LYPD6: variants seen among roughly 807,000 people sequenced by gnomAD.
LYPD6 encodes the protein LY6/PLAUR domain containing 6, also known as ly6/PLAUR domain-containing protein 6.
A neutral mutation model predicts 22.7 loss-of-function variants in LYPD6; 15 were observed. That is an observed-to-expected ratio of 0.66 (90% CI 0.44 to 1.02). The LOEUF is 1.02. LYPD6 is among the 50% of genes least tolerant of loss of function. The pLI is 0.00. For synonymous variants in LYPD6, 72 were observed against 77.5 expected (o/e 0.93, Z 0.37); for missense variants, 189 against 208.4 (o/e 0.91, Z 0.57).
chr2:149,447,998 A>T (rs1028759728), intron 2 of LYPD6, among the ~76,000 whole-genome samples: 2 of 152,170 alleles, frequency 1.3e-5, no homozygotes, highest in Non-Finnish European at 2.9e-5. Context: ...GACATTTTGA[A>T]AAACTATAGC....
intron 1 of LYPD6, among the ~76,000 whole-genome samples, chr2:149,389,212 C>T (rs1211168527): frequency 2.0e-5 from 3 of 152,084 alleles, no homozygotes; most frequent in Non-Finnish European, 4.4e-5. Context: ...ATCTCCCTAA[C>T]GTTTTCCTAG....
At chr2:149,420,432 T>G (rs1559145874) in intron 1 of LYPD6, among the ~76,000 whole-genome samples, 2 of 152,172 alleles carry the variant, frequency 1.3e-5, no homozygotes, top group African/African-American at 2.4e-5. Context: ...GAGTAATAGG[T>G]GTGAGTGTAT....
intron 1 of LYPD6, among the ~76,000 whole-genome samples, chr2:149,425,987 T>C (rs1683180856): frequency 6.6e-6 from 1 of 152,232 alleles, no homozygotes; most frequent in Admixed American, 6.5e-5. Context: ...TGTACACACA[T>C]AGATTTGTTT....
chr2:149,375,087 A>G (rs1410557617), intron 1 of LYPD6, among the ~76,000 whole-genome samples: 2 of 152,190 alleles, frequency 1.3e-5, no homozygotes, highest in Non-Finnish European at 2.9e-5. Context: ...GCTGTTTCAC[A>G]GACCTCAGGG....
chr2:149,403,119 C>T (rs1682600965), intron 1 of LYPD6, among the ~76,000 whole-genome samples: 4 of 152,162 alleles, frequency 2.6e-5, no homozygotes, highest in Admixed American at 2.6e-4. Context: ...TTTTCTTAAT[C>T]CAGTCTATCA....
intron 1 of LYPD6, among the ~76,000 whole-genome samples, chr2:149,342,659 T>C (rs530491097): frequency 6.6e-6 from 1 of 152,240 alleles, no homozygotes; most frequent in Non-Finnish European, 1.5e-5. Flanking sequence ...TTAGGGCTGG[T>C]ATTTTTTAAA....
intron 1 of LYPD6, among the ~76,000 whole-genome samples, chr2:149,354,993 A>G (rs1223611566): frequency 6.6e-6 from 1 of 152,192 alleles, no homozygotes; most frequent in Non-Finnish European, 1.5e-5. Context: ...TTGTGGTGTT[A>G]TGAAGTAGCC....
At chr2:149,446,094 G>A (rs573040493) in intron 2 of LYPD6, among the ~76,000 whole-genome samples, 1 of 152,040 alleles carries the variant, frequency 6.6e-6, no homozygotes, top group South Asian at 2.1e-4. Flanking sequence ...CAGGGAAAGG[G>A]AGAGAGAGAG....
chr2:149,371,124 G>T (rs1573748745), intron 1 of LYPD6, among the ~76,000 whole-genome samples: 1 of 152,152 alleles, frequency 6.6e-6, no homozygotes, highest in South Asian at 2.1e-4. Flanking sequence ...AAGAGCAGGG[G>T]GCGAGACCAT....
At chr2:149,464,216 G>C in intron 3 of LYPD6, 1 of 360,552 alleles carries the variant, frequency 2.8e-6, no homozygotes, top group Non-Finnish European at 5.5e-6. Context: ...AGTTAAGAAG[G>C]ACTAAGACAA....
At chr2:149,372,580 C>T (rs990934235) in intron 1 of LYPD6, among the ~76,000 whole-genome samples, 2 of 152,152 alleles carry the variant, frequency 1.3e-5, no homozygotes, top group Non-Finnish European at 2.9e-5. Context: ...TTAGATGACT[C>T]CAGGATTTCA....
chr2:149,457,807 A>G (rs1680997088), intron 3 of LYPD6, among the ~76,000 whole-genome samples: 1 of 152,214 alleles, frequency 6.6e-6, no homozygotes, highest in Non-Finnish European at 1.5e-5. Context: ...AACCAAAGAC[A>G]TGAAGGGACT....
chr2:149,462,227 G>C (rs1168908716), intron 3 of LYPD6, among the ~76,000 whole-genome samples: 1 of 151,928 alleles, frequency 6.6e-6, no homozygotes, highest in Non-Finnish European at 1.5e-5. Context: ...GAACTCAATT[G>C]TGTTTATGCT....
chr2:149,460,055 A>G (rs554329392), intron 3 of LYPD6, among the ~76,000 whole-genome samples: 69 of 152,316 alleles, frequency 4.5e-4, no homozygotes, highest in African/African-American at 1.6e-3. Flanking sequence ...ACAATTTTAA[A>G]AAGAGATATA....
intron 3 of LYPD6, among the ~76,000 whole-genome samples, chr2:149,450,385 C>G (rs926046095): frequency 6.6e-6 from 1 of 152,168 alleles, no homozygotes; most frequent in Admixed American, 6.5e-5. Flanking sequence ...GAGATTAGGG[C>G]CCTGCATTGG....
chr2:149,426,205 T>C (rs1391036146), intron 1 of LYPD6, among the ~76,000 whole-genome samples: 2 of 152,198 alleles, frequency 1.3e-5, no homozygotes, highest in Non-Finnish European at 2.9e-5. Context: ...CTGGAAGAAC[T>C]CTCCACACCT....
chr2:149,439,684 A>G (rs553113188), intron 2 of LYPD6, among the ~76,000 whole-genome samples: 1 of 152,278 alleles, frequency 6.6e-6, no homozygotes, highest in East Asian at 1.9e-4. Flanking sequence ...TTGGGTCTCT[A>G]TTGGGAAATT....
chr2:149,381,146 A>C (rs191805418), intron 1 of LYPD6, among the ~76,000 whole-genome samples: 1 of 152,300 alleles, frequency 6.6e-6, no homozygotes, highest in South Asian at 2.1e-4. Flanking sequence ...ACTGGAGACA[A>C]GTGTAAAGAC....
chr2:149,432,493 G>T (rs764504353), intron 1 of LYPD6, among the ~76,000 whole-genome samples: 5 of 152,198 alleles, frequency 3.3e-5, no homozygotes, highest in Non-Finnish European at 5.9e-5. Flanking sequence ...CTGCTGAAGC[G>T]TAGGGGAGGG....
Sources: allele counts gnomAD v4.1 joint callset (sites outside exome capture counted in the v4.1 genomes callset), GRCh38; gene constraint gnomAD v4.1.1; transcripts MANE v1.5; gene names NCBI Gene and HGNC (gene_info 2026-07-23, HGNC 2026-07-21).